PPARGC1A: variants seen among roughly 807,000 people sequenced by gnomAD.
The protein encoded by PPARGC1A is peroxisome proliferator-activated receptor gamma coactivator 1-alpha.
Under a neutral mutation model 88.7 loss-of-function variants are expected in PPARGC1A, and 25 were observed. That is an observed-to-expected ratio of 0.28 (90% confidence interval 0.21 to 0.39). PPARGC1A has a LOEUF of 0.39. Ranked by LOEUF, PPARGC1A falls within the 10% of genes least tolerant of loss-of-function variation. The pLI, the probability that PPARGC1A is intolerant of heterozygous loss-of-function variation, is 1.00. For missense variants in PPARGC1A, 880 were observed against 968.7 expected (o/e 0.91, Z 1.22); for synonymous variants, 363 against 355.6 (o/e 1.02, Z -0.24).
At chr4:24,258,754 G>A in the PPARGC1A span, among the ~76,000 whole-genome samples, 3 of 152,196 alleles carry the variant, frequency 2.0e-5, no homozygotes, top group Admixed American at 6.5e-5. Flanking sequence ...AAGGAAGTCA[G>A]AATACTTCAG....
At chr4:24,380,109 G>GT in the PPARGC1A span, among the ~76,000 whole-genome samples, 161 of 148,972 alleles carry the variant, frequency 1.1e-3, 1 homozygote, top group Admixed American at 3.2e-3. Flanking sequence ...AAAATATATA[G>GT]TTTTTTTTTT....
the PPARGC1A span, among the ~76,000 whole-genome samples, chr4:23,951,642 C>A: frequency 1.3e-5 from 2 of 152,076 alleles, no homozygotes; most frequent in African/African-American, 2.4e-5. Context: ...CTCAGGAGAG[C>A]CTTTGGCTAA....
the PPARGC1A span, among the ~76,000 whole-genome samples, chr4:24,324,062 TTTC>T: frequency 6.6e-6 from 1 of 152,216 alleles, no homozygotes; most frequent in Non-Finnish European, 1.5e-5. Context: ...GGAAGGCAGC[TTTC>T]CCTTGGTGTT....
chr4:23,963,629 G>A, the PPARGC1A span, among the ~76,000 whole-genome samples: 1 of 152,172 alleles, frequency 6.6e-6, no homozygotes, highest in African/African-American at 2.4e-5. Context: ...TCTACATGGA[G>A]GCACAGTTTT....
the PPARGC1A span, among the ~76,000 whole-genome samples, chr4:23,988,032 C>T: frequency 5.3e-5 from 8 of 150,742 alleles, no homozygotes; most frequent in Admixed American, 2.0e-4. Context: ...TGAGTGAGAA[C>T]ATGTGGTGTT....
chr4:24,413,610 G>GT, the PPARGC1A span, among the ~76,000 whole-genome samples: 2 of 152,188 alleles, frequency 1.3e-5, no homozygotes, highest in East Asian at 1.9e-4. Flanking sequence ...CCAGATCCTT[G>GT]TGGGGGGGTA....
chr4:24,171,505 T>C, the PPARGC1A span, among the ~76,000 whole-genome samples: 1 of 152,128 alleles, frequency 6.6e-6, no homozygotes, highest in Admixed American at 6.5e-5. Context: ...AAACGTACTA[T>C]ATATGGTCCT....
At chr4:23,849,191 A>G (rs73243617) in intron 2 of PPARGC1A, among the ~76,000 whole-genome samples, 2,126 of 152,338 alleles carry the variant, frequency 0.014, 22 homozygotes, top group Non-Finnish European at 0.023. Flanking sequence ...GGTGAGGATT[A>G]AATGAGACAC....
the PPARGC1A span, among the ~76,000 whole-genome samples, chr4:24,011,224 T>C: frequency 6.6e-6 from 1 of 152,156 alleles, no homozygotes; most frequent in Admixed American, 6.5e-5. Context: ...GTCAAAACTT[T>C]CTGTCCCTTC....
At chr4:24,286,709 T>C in the PPARGC1A span, among the ~76,000 whole-genome samples, 3 of 152,224 alleles carry the variant, frequency 2.0e-5, no homozygotes, top group Non-Finnish European at 1.5e-5. Context: ...TCTATTGCTG[T>C]GTAACAAATC....
intron 2 of PPARGC1A, among the ~76,000 whole-genome samples, chr4:23,835,682 A>T (rs1390839981): frequency 6.6e-6 from 1 of 152,178 alleles, no homozygotes; most frequent in African/African-American, 2.4e-5. Context: ...TTTTTAGTGA[A>T]TTAAGGAAGG....
the PPARGC1A span, among the ~76,000 whole-genome samples, chr4:24,420,344 T>C: frequency 6.6e-6 from 1 of 152,186 alleles, no homozygotes; most frequent in Admixed American, 6.5e-5. Flanking sequence ...TTAATGTACA[T>C]TAACATTTTT....
At chr4:23,977,461 C>A in the PPARGC1A span, among the ~76,000 whole-genome samples, 1 of 152,166 alleles carries the variant, frequency 6.6e-6, no homozygotes, top group African/African-American at 2.4e-5. Flanking sequence ...AAACAGACAA[C>A]AAAATACTTA....
chr4:24,402,684 C>T, the PPARGC1A span, among the ~76,000 whole-genome samples: 1 of 152,172 alleles, frequency 6.6e-6, no homozygotes, highest in African/African-American at 2.4e-5. Flanking sequence ...CTTCCTTTCC[C>T]CAGAGGCCTA....
chr4:24,319,758 C>T, the PPARGC1A span, among the ~76,000 whole-genome samples: 5 of 152,232 alleles, frequency 3.3e-5, no homozygotes, highest in East Asian at 1.9e-4. Flanking sequence ...GGCAAACATG[C>T]GGGGTCTCCA....
rs764593773 is a variant in PPARGC1A, at chr4:23,802,324, C to T, written c.2041G>A (p.Val681Ile). 1.2e-6 allele frequency: 2 copies of T among 1,614,012 alleles called. No individual in the cohort carries two copies. The highest frequency in any genetic ancestry group is 2.2e-5 in the South Asian group (2 of 91,072). Reference sequence around the variant, plus strand: ...GTTGTGTCAGGTCTGATTTTACCGACATAAATCACACGGCGCTCTTCCTAT... The same window carrying T: ...GTTGTGTCAGGTCTGATTTTACCGATATAAATCACACGGCGCTCTTCCTAT... ...KAIEERRVIYVGKIRPDTTRT... is the reference protein window; with the variant it reads ...KAIEERRVIYIGKIRPDTTRT... The change falls in exon 11 of 13, where the codon GTC becomes ATC. Residue 681 changes from valine to isoleucine, a missense_variant. By Grantham distance (29) the Val-to-Ile change is conservative (BLOSUM62 3). Coordinates refer to ENST00000264867, the MANE Select transcript of PPARGC1A (RefSeq NM_013261.5).
chr4:23,901,328 C>T (rs1270696493), upstream of PPARGC1A, among the ~76,000 whole-genome samples: 1 of 149,520 alleles, frequency 6.7e-6, no homozygotes, highest in Non-Finnish European at 1.5e-5. Context: ...CGAGATCGTG[C>T]CACTGCACTC....
intron 1 of PPARGC1A, chr4:23,888,973 G>A: frequency 4.1e-6 from 4 of 985,362 alleles, no homozygotes; most frequent in Non-Finnish European, 4.8e-6. Context: ...TGTTTCCCAA[G>A]TTGCCCAAAC....
the PPARGC1A span, among the ~76,000 whole-genome samples, chr4:23,952,755 T>G: frequency 6.6e-6 from 1 of 152,096 alleles, no homozygotes. Flanking sequence ...TTAAAAACTT[T>G]ATTAGTTTCA....
Sources: allele counts gnomAD v4.1 joint callset (sites outside exome capture counted in the v4.1 genomes callset), GRCh38; gene constraint gnomAD v4.1.1; transcripts MANE v1.5; gene names NCBI Gene and HGNC (gene_info 2026-07-23, HGNC 2026-07-21).